Variants in KCNT2 observed in about 807,000 individuals in gnomAD.
KCNT2 encodes the protein potassium channel subfamily T member 2.
A neutral mutation model predicts 153.8 loss-of-function variants in KCNT2; 67 were observed. The ratio of observed to expected loss-of-function variants is 0.44; its 90% CI spans 0.36 to 0.53. KCNT2 has a LOEUF of 0.53. KCNT2 is among the 20% of genes least tolerant of loss of function. The pLI, the probability that KCNT2 is intolerant of heterozygous loss-of-function variation, is 0.00. For synonymous variants in KCNT2, 500 were observed against 458.8 expected, an observed-to-expected ratio of 1.09 and a Z score of -1.15; for missense variants, 975 against 1,354.8, an observed-to-expected ratio of 0.72 and a Z score of 4.40.
intron 1 of KCNT2, among the ~76,000 whole-genome samples, chr1:196,602,770 ATTTTTTTTTTTTTT>A (rs148932905): frequency 1.2e-5 from 1 of 84,630 alleles, no homozygotes; most frequent in African/African-American, 5.3e-5. Flanking sequence ...TTCAAAGTCT[ATTTTTTTTTTTTTT>A]TTTTTTTTTT....
At chr1:196,548,602 C>T (rs1328754216) in intron 1 of KCNT2, among the ~76,000 whole-genome samples, 8 of 151,980 alleles carry the variant, frequency 5.3e-5, no homozygotes, top group Non-Finnish European at 2.9e-5. Context: ...TGTGGCGATT[C>T]CTCAGGGATC....
chr1:196,291,690 G>T (rs1660199658), intron 22 of KCNT2, among the ~76,000 whole-genome samples: 1 of 152,040 alleles, frequency 6.6e-6, no homozygotes, highest in Non-Finnish European at 1.5e-5. Context: ...GAACTACAGA[G>T]GAGTTTCATT....
chr1:196,292,532 C>T (rs1333687622), intron 22 of KCNT2, among the ~76,000 whole-genome samples: 3 of 152,174 alleles, frequency 2.0e-5, no homozygotes, highest in African/African-American at 7.2e-5. Flanking sequence ...AGTGGCCGGG[C>T]GCAGTGGCTC....
intron 5 of KCNT2, among the ~76,000 whole-genome samples, chr1:196,474,604 G>C (rs958569952): frequency 2.6e-5 from 4 of 152,140 alleles, no homozygotes; most frequent in Non-Finnish European, 5.9e-5. Flanking sequence ...TGGAAAAAAA[G>C]AATTGCACAT....
chr1:196,390,048 C>A (rs189032531), intron 13 of KCNT2, among the ~76,000 whole-genome samples: 2 of 151,424 alleles, frequency 1.3e-5, no homozygotes, highest in Non-Finnish European at 3.0e-5. Context: ...AATTACAAAG[C>A]GCTGTTTTTA....
intron 1 of KCNT2, among the ~76,000 whole-genome samples, chr1:196,580,976 T>C (rs1558102306): frequency 6.6e-6 from 1 of 152,158 alleles, no homozygotes; most frequent in Non-Finnish European, 1.5e-5. Flanking sequence ...TTTTGAGCTA[T>C]GTACAATCAT....
chr1:196,563,962 C>G (rs2148930724), intron 1 of KCNT2, among the ~76,000 whole-genome samples: 2 of 152,026 alleles, frequency 1.3e-5, no homozygotes, highest in African/African-American at 4.8e-5. Context: ...AAAGCAATGA[C>G]CATTCTTGCC....
chr1:196,519,484 T>TA (rs753965892), intron 1 of KCNT2, among the ~76,000 whole-genome samples: 8 of 151,382 alleles, frequency 5.3e-5, no homozygotes, highest in African/African-American at 9.7e-5. Flanking sequence ...GAAAAACAAA[T>TA]AAAAAAATCA....
At chr1:196,241,542 T>C (rs544559661) in intron 26 of KCNT2, among the ~76,000 whole-genome samples, 1 of 152,230 alleles carries the variant, frequency 6.6e-6, no homozygotes, top group South Asian at 2.1e-4. Context: ...AACTGACCTC[T>C]ATTTAAAATT....
intron 1 of KCNT2, among the ~76,000 whole-genome samples, chr1:196,607,508 G>C (rs1665448625): frequency 6.6e-6 from 1 of 151,912 alleles, no homozygotes; most frequent in African/African-American, 2.4e-5. Context: ...TTTTAATTTT[G>C]AGACATATAT....
intron 8 of KCNT2, among the ~76,000 whole-genome samples, chr1:196,455,439 TAG>T (rs1676578380): frequency 2.0e-5 from 3 of 151,972 alleles, no homozygotes; most frequent in Admixed American, 2.0e-4. Context: ...GAAGTAATTT[TAG>T]CACTATATGC....
chr1:196,431,117 C>T (rs1299658102), intron 8 of KCNT2, among the ~76,000 whole-genome samples: 1 of 152,110 alleles, frequency 6.6e-6, no homozygotes. Flanking sequence ...AGAGAGAAGG[C>T]TCTCACCAGA....
intron 1 of KCNT2, among the ~76,000 whole-genome samples, chr1:196,607,187 T>C (rs2149044609): frequency 6.6e-6 from 1 of 152,310 alleles, no homozygotes; most frequent in Non-Finnish European, 1.5e-5. Flanking sequence ...GGAGGGGATT[T>C]TGGATTGGAC....
At chr1:196,288,887 G>A (rs548071186) in intron 22 of KCNT2, among the ~76,000 whole-genome samples, 2 of 152,138 alleles carry the variant, frequency 1.3e-5, no homozygotes, top group Admixed American at 1.3e-4. Context: ...TTGGAGCTTG[G>A]ATTCTGAAAC....
intron 5 of KCNT2, among the ~76,000 whole-genome samples, chr1:196,477,961 C>A (rs1386677097): frequency 6.6e-6 from 1 of 152,148 alleles, no homozygotes; most frequent in East Asian, 1.9e-4. Flanking sequence ...CAATTGCATA[C>A]CTTATTTATC....
chr1:196,240,519 G>A (rs994454), intron 26 of KCNT2, among the ~76,000 whole-genome samples: 138,495 of 152,076 alleles, frequency 0.91, 63,805 homozygotes, highest in Non-Finnish European at 0.98. Context: ...CAAGCAGTAA[G>A]TTATAAAAAA....
intron 1 of KCNT2, among the ~76,000 whole-genome samples, chr1:196,526,848 A>T (rs1279379908): frequency 1.3e-5 from 2 of 151,326 alleles, no homozygotes; most frequent in East Asian, 3.9e-4. Context: ...TTTTTTGCAT[A>T]CTCCTCAGTG....
intron 27 of KCNT2, among the ~76,000 whole-genome samples, chr1:196,233,280 A>G (rs1654119830): frequency 6.6e-6 from 1 of 151,480 alleles, no homozygotes; most frequent in Admixed American, 6.6e-5. Flanking sequence ...CCTGTATTCT[A>G]ACCAGTATTA....
Position 196,571,859 on chromosome 1 carries a change from T to C in KCNT2, c.95+36356A>G, listed in dbSNP as rs184534880. ...TTTCATGAAACAGAAATATCAGTTG[T>C]TTTATTTCAGCAGTAGAAATGGTAT... On this transcript the variant is annotated intron_variant, in intron 1 of 27. Coordinates refer to ENST00000294725, the MANE Select transcript of KCNT2 (RefSeq NM_198503.5). Among the ~76,000 whole-genome samples the C allele has an allele frequency of 1.3e-4, 20 of 152,228 alleles. No individual in the cohort carries two copies. The East Asian group carries it at 3.5e-3, about 26-fold the overall frequency.
Sources: allele counts gnomAD v4.1 joint callset (sites outside exome capture counted in the v4.1 genomes callset), GRCh38; gene constraint gnomAD v4.1.1; transcripts MANE v1.5; gene names NCBI Gene and HGNC (gene_info 2026-07-23, HGNC 2026-07-21).